The following MCM3AP variants were observed in gnomAD, a reference collection of about 807,000 sequenced individuals.
The protein encoded by MCM3AP is minichromosome maintenance complex component 3 associated protein, also known as germinal-center associated nuclear protein.
MCM3AP carries 126 observed loss-of-function variants against 184.1 expected under a neutral mutation model. That is an observed-to-expected ratio of 0.68 (90% CI 0.59 to 0.79). The LOEUF (loss-of-function observed/expected upper bound fraction) is 0.79. Among genes scored for constraint, MCM3AP ranks in the 30% least tolerant of loss-of-function variants. MCM3AP has a pLI of 0.00. For missense variants in MCM3AP, 2,496 were observed against 2,479.2 expected (o/e 1.01, Z -0.14); for synonymous variants, 1,002 against 979.3 (o/e 1.02, Z -0.43).
In MCM3AP at chr21:46,273,484, G is replaced by A. The variant is rs754896542; in HGVS notation, c.2100C>T (p.Thr700=). The change falls in exon 7 of 28, where the codon ACC becomes ACT. Residue 700 remains threonine (T), a synonymous_variant. Transcript: ENST00000291688. The part of the protein sequence containing the change: ...ELRPLPVLSR[T]MDYLVTQIMD... ...TGATCTGGGTCACCAGGTAGTCCAT[G>A]GTCCTGCTGAGCACTGGCAAGGGCC... The A allele has an allele frequency of 1.5e-4, 244 of 1,613,960 alleles. 5 individuals are homozygous for A. In the South Asian group the frequency reaches 2.5e-3, roughly 16 times the overall value.
At chr21:46,263,981 C>G in intron 13 of MCM3AP, 136 bp downstream of exon 13, 1 of 563,154 alleles carries the variant, frequency 1.8e-6, no homozygotes, top group African/African-American at 1.9e-5. Context: ...GAAAATCTTC[C>G]TGACACTGTA....
In MCM3AP at chr21:46,266,006, T is replaced by G; in HGVS notation, c.2950A>C (p.Asn984His). ...TCCCCGATGTACTTGTTCTGGGAGT[T>G]GAAGCTGCACACAGGGGTATGACGA... ...VPRHTPVCSFNSQNKYIGESL... is the reference protein window; with the variant it reads ...VPRHTPVCSFHSQNKYIGESL... Residue 984 changes from asparagine (N) to histidine (H), a missense_variant, in exon 11 of 28, where the codon AAC becomes CAC. Physicochemically the swap from Asn to His is moderately conservative, Grantham distance 68. Coordinates refer to ENST00000291688, the MANE Select transcript of MCM3AP (RefSeq NM_003906.5). 1 of 1,609,258 alleles carries G rather than the reference T, an allele frequency of 6.2e-7. No individual in the cohort carries two copies. Among genetic ancestry groups the G allele is most frequent in the Non-Finnish European group, 8.5e-7 (1 of 1,177,508 alleles).
intron 5 of MCM3AP, 72 bp from the exon 6 acceptor site, chr21:46,275,397 A>G (rs2081243217): frequency 1.7e-5 from 22 of 1,301,242 alleles, no homozygotes; most frequent in Admixed American, 5.2e-5. Flanking sequence ...GTATTCTCAT[A>G]ATGATAAAAA....
rs2081111121 is a variant in MCM3AP, at chr21:46,266,259, G to C, written c.2790-93C>G. 5.0e-6 allele frequency: 7 copies of C among 1,391,490 alleles called. No homozygotes were observed. The South Asian group carries it at 1.1e-4, about 21-fold the overall frequency. The allele number at this position is 1,391,490 out of a possible 1,614,324, so 86.2% of individuals were successfully genotyped here. On this transcript the variant is annotated intron_variant, in intron 10 of 27. Coordinates refer to ENST00000291688, the MANE Select transcript of MCM3AP (RefSeq NM_003906.5). Reference sequence around the variant, plus strand: ...CTGCCGAGTACTGCAAGCCCCTTGGGTGTCACCACAGCCATGTGTAAATAA... The same window carrying C: ...CTGCCGAGTACTGCAAGCCCCTTGGCTGTCACCACAGCCATGTGTAAATAA...
rs376104212 is a variant in MCM3AP at position 46,285,288 on chromosome 21, T to A, written c.-2A>T. 6.3e-7 allele frequency: 1 copy of A among 1,597,990 alleles called. No homozygotes were observed. The highest frequency in any genetic ancestry group is 2.2e-5 in the East Asian group (1 of 44,804). On this transcript the variant is annotated 5_prime_UTR_variant, in exon 1 of 28. The change creates a new upstream start codon in the 5' untranslated region. Transcript: ENST00000291688. The stretch of plus-strand genomic sequence containing the variant: ...ACTGAAAGGATTAGTTGGGTTCATC[T>A]TCTGCTCCAATTATTAGAAGGTAAT...
intron 2 of MCM3AP, among the ~76,000 whole-genome samples, chr21:46,281,128 T>C (rs2081327062): frequency 6.6e-6 from 1 of 152,164 alleles, no homozygotes; most frequent in African/African-American, 2.4e-5. Flanking sequence ...TTAACAACTT[T>C]GCTTCATAGA....
At chr21:46,279,655 C>A (rs2081302699) in intron 4 of MCM3AP, among the ~76,000 whole-genome samples, 1 of 152,210 alleles carries the variant, frequency 6.6e-6, no homozygotes, top group Non-Finnish European at 1.5e-5. Context: ...AAAAGGCCAG[C>A]CCCAAAGGAA....
chr21:46,279,101 C>A (rs1229938430), intron 4 of MCM3AP, among the ~76,000 whole-genome samples: 1 of 151,194 alleles, frequency 6.6e-6, no homozygotes, highest in African/African-American at 2.4e-5. Context: ...GCCTGGCCAA[C>A]ATGGTGAAAC....
intron 15 of MCM3AP, among the ~76,000 whole-genome samples, chr21:46,259,640 C>T (rs574259175): frequency 2.0e-5 from 3 of 151,882 alleles, no homozygotes; most frequent in Non-Finnish European, 2.9e-5. Flanking sequence ...CGGCCAGGCA[C>T]GGTGGCTCAT....
intron 26 of MCM3AP, among the ~76,000 whole-genome samples, chr21:46,240,174 C>A (rs1397148811): frequency 6.6e-6 from 1 of 152,030 alleles, no homozygotes; most frequent in Admixed American, 6.6e-5. Flanking sequence ...GAGATGAGAT[C>A]CCAGCCCAGG....
chr21:46,265,782 A>G (rs908528194), intron 11 of MCM3AP, 143 bp downstream of exon 11: 69 of 1,080,712 alleles, frequency 6.4e-5, no homozygotes, highest in Non-Finnish European at 8.7e-5. Flanking sequence ...AGGAAGAGCC[A>G]CACCCCTGGG....
intron 4 of MCM3AP, among the ~76,000 whole-genome samples, chr21:46,279,072 A>T (rs997269469): frequency 2.6e-5 from 4 of 151,218 alleles, no homozygotes; most frequent in Admixed American, 6.6e-5. Flanking sequence ...ATGCATCTCT[A>T]GTCAGGAGTT....
chr21:46,265,419 C>T lies in MCM3AP; in HGVS notation c.3136G>A (p.Val1046Ile). The T allele has an allele frequency of 2.5e-6, 4 of 1,614,104 alleles. No individual in the cohort carries two copies. In the South Asian group the frequency reaches 3.3e-5, roughly 13 times the overall value. Residue 1046 changes from valine (V) to isoleucine (I), a missense_variant, in exon 12 of 28, where the codon GTC becomes ATC. By Grantham distance (29) the Val-to-Ile change is conservative (BLOSUM62 3). Transcript: ENST00000291688. Reference sequence around the variant, plus strand: ...GCCACAGACGGGGTCAGTGCCAGGACAGGAGGCAGAGGCACTGGTGAGGGC... The same window carrying T: ...GCCACAGACGGGGTCAGTGCCAGGATAGGAGGCAGAGGCACTGGTGAGGGC... ...PAPSPVPLPPVLALTPSVAPS... is the reference protein window; with the variant it reads ...PAPSPVPLPPILALTPSVAPS...
chr21:46,264,275 G>T, intron 12 of MCM3AP, 58 bp from the exon 13 acceptor site: 1 of 1,119,544 alleles, frequency 8.9e-7, no homozygotes. Context: ...AGAAATGCTG[G>T]GTAACATGTT....
Position 46,243,466 on chromosome 21 carries a change from T to C in MCM3AP, c.5295A>G (p.Ser1765=). The change falls in exon 24 of 28, where the codon TCA becomes TCG. Residue 1765 remains serine, a splice_region_variant and synonymous_variant. Coordinates refer to ENST00000291688, the MANE Select transcript of MCM3AP (RefSeq NM_003906.5). Reference sequence around the variant, plus strand: ...CCCATTGCATCAAGCTCTAATTACCTGATGTAACAGGAAGCCGGGGGGGCG... The same window carrying C: ...CCCATTGCATCAAGCTCTAATTACCCGATGTAACAGGAAGCCGGGGGGGCG... ...DWTPPRLPVT[S]EALSEDGQIC... 6.2e-7 allele frequency: 1 copy of C among 1,604,916 alleles called. No individual in the cohort carries two copies. The highest frequency in any genetic ancestry group is 1.1e-5 in the South Asian group (1 of 89,784).
intron 6 of MCM3AP, among the ~76,000 whole-genome samples, 154 bp downstream of exon 6, chr21:46,275,028 AGAGT>A (rs2081238249): frequency 1.3e-5 from 2 of 152,322 alleles, no homozygotes; most frequent in African/African-American, 4.8e-5. Context: ...TACCAATTAC[AGAGT>A]GAACATCTCA....
At chr21:46,255,750 G>T (rs557513902) in intron 17 of MCM3AP, among the ~76,000 whole-genome samples, 3 of 151,892 alleles carry the variant, frequency 2.0e-5, no homozygotes, top group African/African-American at 4.8e-5. Context: ...TCACCAGGGG[G>T]TGCGCAGAAG....
At chr21:46,256,443 G>A (rs1006773465) in intron 17 of MCM3AP, 23 of 310,056 alleles carry the variant, frequency 7.4e-5, no homozygotes, top group Admixed American at 2.3e-4. Context: ...ACAGGCCAGC[G>A]TGGACCTCCG....
In MCM3AP at chr21:46,246,877, C is replaced by T. The variant is rs1250976825; in HGVS notation, c.4300G>A (p.Gly1434Ser). ...TCAATGGCACCATCACTGAGGGCGC[C>T]ATGGGCCACCTGCAACAGCATCAAG... ...SVNVCIKVAH[G>S]ALSDGAIDAV... The change falls in exon 21 of 28, where the codon GGC (glycine) becomes AGC (serine). Residue 1434 changes from glycine to serine, a missense_variant. Around this residue, in one of 5 missense-constraint regions of MCM3AP, gnomAD observed 1,323 missense variants for 1,273.4 expected, o/e 1.04. Coordinates refer to ENST00000291688, the MANE Select transcript of MCM3AP (RefSeq NM_003906.5). The T allele has an allele frequency of 1.9e-6, 3 of 1,613,662 alleles. No homozygotes were observed. The highest frequency in any genetic ancestry group is 2.2e-5 in the South Asian group (2 of 91,068).
Sources: allele counts gnomAD v4.1 joint callset (sites outside exome capture counted in the v4.1 genomes callset), GRCh38; gene constraint gnomAD v4.1.1; regional missense constraint gnomAD v4.1.1; transcripts MANE v1.5; gene names NCBI Gene and HGNC (gene_info 2026-07-23, HGNC 2026-07-21).